The following BMPR1B variants were observed in gnomAD, a reference collection of about 807,000 sequenced individuals.
BMPR1B encodes the protein bone morphogenetic protein receptor type-1B.
A neutral mutation model predicts 59.1 loss-of-function variants in BMPR1B; 12 were observed. The ratio of observed to expected loss-of-function variants is 0.20; its 90% CI spans 0.13 to 0.33. The LOEUF (loss-of-function observed/expected upper bound fraction) is 0.33. Ranked by LOEUF, BMPR1B falls within the 10% of genes least tolerant of loss-of-function variation. The probability of loss-of-function intolerance (pLI) is 1.00; values close to 1 mark genes in which losing one functional copy is unlikely to be tolerated. For missense variants in BMPR1B, 550 were observed against 610.9 expected, an observed-to-expected ratio of 0.90 and a Z score of 1.05; for synonymous variants, 237 against 207.3, an observed-to-expected ratio of 1.14 and a Z score of -1.23.
At chr4:94,947,423 G>C (rs1359475851) in intron 2 of BMPR1B, among the ~76,000 whole-genome samples, 2 of 152,172 alleles carry the variant, frequency 1.3e-5, no homozygotes, top group Non-Finnish European at 2.9e-5. Context: ...TATTGGCAAG[G>C]AATAGCCCAT....
intron 2 of BMPR1B, among the ~76,000 whole-genome samples, chr4:94,925,555 T>C (rs1309102300): frequency 1.3e-5 from 2 of 152,172 alleles, no homozygotes; most frequent in Non-Finnish European, 2.9e-5. Flanking sequence ...ACAAACTCAC[T>C]ATTTGTGAAT....
chr4:94,838,086 G>T (rs1724895437), intron 1 of BMPR1B, among the ~76,000 whole-genome samples: 1 of 144,728 alleles, frequency 6.9e-6, no homozygotes, highest in South Asian at 2.3e-4. Flanking sequence ...TATTGAACCA[G>T]TCTTGCATCC....
At chr4:95,078,667 C>T (rs1728887528) in intron 3 of BMPR1B, among the ~76,000 whole-genome samples, 1 of 152,182 alleles carries the variant, frequency 6.6e-6, no homozygotes, top group African/African-American at 2.4e-5. Context: ...GTTCAGAACC[C>T]TCTCACATGC....
chr4:95,013,977 G>A (rs990700012), intron 3 of BMPR1B, among the ~76,000 whole-genome samples: 1 of 152,282 alleles, frequency 6.6e-6, no homozygotes, highest in East Asian at 1.9e-4. Context: ...CTTAGTAGTG[G>A]TTTCTTGATA....
rs538252065 is a variant in BMPR1B at position 95,017,297 on chromosome 4, A to G, written c.-18+21163A>G. Among the ~76,000 whole-genome samples, 14 of 152,316 alleles carry G rather than the reference A, an allele frequency of 9.2e-5. No individual in the cohort carries two copies. In the South Asian group the frequency reaches 1.4e-3, roughly 16 times the overall value. ...AGTGTATAATTCCTGTATTTGTGTGAATTCTGTGCTGAACTACTGCTGCCT... is the reference window on the plus strand; with the variant it reads ...AGTGTATAATTCCTGTATTTGTGTGGATTCTGTGCTGAACTACTGCTGCCT... On this transcript the variant is annotated intron_variant, in intron 3 of 12. Transcript: ENST00000515059.
chr4:94,900,505 G>A (rs184605162), intron 2 of BMPR1B, among the ~76,000 whole-genome samples: 166 of 152,062 alleles, frequency 1.1e-3, no homozygotes, highest in African/African-American at 3.6e-3. Flanking sequence ...TCAATGCCTA[G>A]TCTCAGCTAA....
chr4:94,761,982 A>G (rs1384808971), intron 1 of BMPR1B, among the ~76,000 whole-genome samples: 2 of 152,218 alleles, frequency 1.3e-5, no homozygotes, highest in Admixed American at 6.5e-5. Context: ...TTTTAGGCAT[A>G]GAGTACAGAG....
At chr4:94,826,759 A>G (rs1056588784) in intron 1 of BMPR1B, among the ~76,000 whole-genome samples, 2 of 152,176 alleles carry the variant, frequency 1.3e-5, no homozygotes, top group African/African-American at 4.8e-5. Flanking sequence ...AAAGGTAAAT[A>G]TATGCTTATA....
At chr4:94,762,918 T>G (rs1721836308) in intron 1 of BMPR1B, among the ~76,000 whole-genome samples, 3 of 151,914 alleles carry the variant, frequency 2.0e-5, no homozygotes, top group African/African-American at 7.3e-5. Context: ...TTGCAGCAAT[T>G]CACTGGTTCA....
chr4:94,830,827 C>T (rs560912577), intron 1 of BMPR1B, among the ~76,000 whole-genome samples: 68 of 152,248 alleles, frequency 4.5e-4, no homozygotes, highest in African/African-American at 1.6e-3. Flanking sequence ...CGTTACTCAC[C>T]TGTTCATGGT....
intron 1 of BMPR1B, among the ~76,000 whole-genome samples, chr4:94,844,313 C>T (rs1244613451): frequency 6.6e-6 from 1 of 151,124 alleles, no homozygotes; most frequent in African/African-American, 2.4e-5. Flanking sequence ...TGCCCAGCTC[C>T]CTCTGTTACA....
intron 1 of BMPR1B, among the ~76,000 whole-genome samples, chr4:94,822,353 G>T (rs1724237387): frequency 6.6e-6 from 1 of 152,152 alleles, no homozygotes; most frequent in Non-Finnish European, 1.5e-5. Flanking sequence ...TTTTAACTTA[G>T]ACCATGAGCC....
intron 1 of BMPR1B, among the ~76,000 whole-genome samples, chr4:94,763,356 A>G (rs1231797861): frequency 6.6e-6 from 1 of 152,204 alleles, no homozygotes; most frequent in Non-Finnish European, 1.5e-5. Flanking sequence ...CGCCCCTTGC[A>G]AAGTGCTAGG....
chr4:95,038,889 CA>C (rs1397583954), intron 3 of BMPR1B, among the ~76,000 whole-genome samples: 2 of 152,164 alleles, frequency 1.3e-5, no homozygotes, highest in Non-Finnish European at 2.9e-5. Flanking sequence ...TGGCTAAATA[CA>C]GGCTTTACTC....
At position 94,855,941 on chromosome 4, in the gene BMPR1B, A is replaced by G. The variant is rs1024686749; in HGVS notation, c.-182-19890A>G. On this transcript the variant is annotated intron_variant, in intron 1 of 12. Transcript: ENST00000515059. Reference sequence around the variant, plus strand: ...AAATGTGTACAGTTAGTATTTGTCAAATGAAAATAAAATAAAACTTCGAAT... The same window carrying G: ...AAATGTGTACAGTTAGTATTTGTCAGATGAAAATAAAATAAAACTTCGAAT... Among the ~76,000 whole-genome samples the G allele has an allele frequency of 5.9e-5, 9 of 152,204 alleles. No homozygotes were observed. In the East Asian group the frequency reaches 7.7e-4, roughly 13 times the overall value.
At chr4:95,054,361 A>G (rs993594665) in intron 3 of BMPR1B, among the ~76,000 whole-genome samples, 2 of 152,166 alleles carry the variant, frequency 1.3e-5, no homozygotes, top group African/African-American at 4.8e-5. Context: ...ATGTTTTACT[A>G]GAAAGAGATA....
chr4:94,978,395 G>C (rs917606466), intron 2 of BMPR1B, among the ~76,000 whole-genome samples: 1 of 152,178 alleles, frequency 6.6e-6, no homozygotes, highest in African/African-American at 2.4e-5. Context: ...AATCAGCTAG[G>C]TGCTGTCCAG....
rs1433585190 is a variant in BMPR1B at position 94,826,887 on chromosome 4, A to G, written c.-182-48944A>G. ...CAATAAAATGTAGGAATTAAAATAT[A>G]GTAACTTTGCCAAACAGATGTAAAT... On this transcript the variant is annotated intron_variant, in intron 1 of 12. Transcript: ENST00000515059. Among the ~76,000 whole-genome samples the G allele has an allele frequency of 6.4e-4, 97 of 152,340 alleles. 1 individual carries two copies. The highest frequency in any genetic ancestry group is 1.0e-4 in the Non-Finnish European group (7 of 68,018).
At chr4:94,956,806 A>T (rs1405537662) in intron 2 of BMPR1B, among the ~76,000 whole-genome samples, 1 of 150,672 alleles carries the variant, frequency 6.6e-6, no homozygotes, top group African/African-American at 2.4e-5. Flanking sequence ...AAAGAATTTA[A>T]TTTTTTTTTT....
Sources: gnomAD v4.1 joint callset for allele counts (sites outside exome capture counted in the v4.1 genomes callset) on GRCh38, gnomAD v4.1.1 for gene constraint, MANE v1.5 for transcripts, NCBI Gene and HGNC (gene_info 2026-07-23, HGNC 2026-07-21) for gene names.